Variants in RYR2 observed in about 807,000 individuals in gnomAD.
RYR2 encodes cardiac muscle ryanodine receptor-calcium release channel.
RYR2 carries 227 observed loss-of-function variants against 601.1 expected under a neutral mutation model. That is an observed-to-expected ratio of 0.38 (90% CI 0.34 to 0.42). RYR2 has a LOEUF of 0.42. Ranked by LOEUF, RYR2 falls within the 10% of genes least tolerant of loss-of-function variation. RYR2 has a pLI of 1.00. For synonymous variants in RYR2, 2,223 were observed against 2,175.1 expected, an observed-to-expected ratio of 1.02 and a Z score of -0.61; for missense variants, 4,646 against 6,156.5, an observed-to-expected ratio of 0.75 and a Z score of 8.21.
At chr1:237,230,921 T>G (rs1684919730) in intron 1 of RYR2, among the ~76,000 whole-genome samples, 1 of 28,800 alleles carries the variant, frequency 3.5e-5, no homozygotes, top group Non-Finnish European at 7.5e-5. Flanking sequence ...AGAGAGAGAC[T>G]CGTCTCAAAA....
At chr1:237,092,856 A>G (rs552683359) in intron 1 of RYR2, among the ~76,000 whole-genome samples, 132 of 152,238 alleles carry the variant, frequency 8.7e-4, no homozygotes, top group African/African-American at 3.0e-3. Flanking sequence ...ATTATTTCAA[A>G]ATCTAATTCA....
intron 25 of RYR2, among the ~76,000 whole-genome samples, chr1:237,539,854 T>G (rs576718588): frequency 6.6e-6 from 1 of 152,142 alleles, no homozygotes; most frequent in Non-Finnish European, 1.5e-5. Flanking sequence ...AAAAATAAAA[T>G]GTTTTTTTAA....
At chr1:237,265,049 C>T (rs1688916461) in intron 1 of RYR2, among the ~76,000 whole-genome samples, 1 of 151,850 alleles carries the variant, frequency 6.6e-6, no homozygotes, top group South Asian at 2.1e-4. Flanking sequence ...TGCATGATAA[C>T]AATTGAAGAA....
At chr1:237,628,705 G>T (rs935023418) in intron 41 of RYR2, among the ~76,000 whole-genome samples, 3 of 151,630 alleles carry the variant, frequency 2.0e-5, no homozygotes. Flanking sequence ...TTTTTTTTAA[G>T]TCTCATAGTA....
chr1:237,786,831 T>TA (rs1479053384), intron 91 of RYR2, among the ~76,000 whole-genome samples: 1 of 152,228 alleles, frequency 6.6e-6, no homozygotes, highest in East Asian at 1.9e-4. Context: ...TGTTATTTTC[T>TA]TTGGTCTGTT....
At chr1:237,668,091 A>G in intron 58 of RYR2, 133 bp downstream of exon 58, 2 of 631,252 alleles carry the variant, frequency 3.2e-6, no homozygotes, top group Middle Eastern at 4.2e-4. Context: ...TGCCTGTAAC[A>G]GATTGAAGTT....
At chr1:237,443,031 A>C (rs1397548092) in intron 13 of RYR2, among the ~76,000 whole-genome samples, 1 of 152,154 alleles carries the variant, frequency 6.6e-6, no homozygotes, top group African/African-American at 2.4e-5. Flanking sequence ...GTGCCATTTT[A>C]GTCTGCTGGT....
At chr1:237,697,036 T>A (rs1424623917) in intron 63 of RYR2, among the ~76,000 whole-genome samples, 1 of 151,970 alleles carries the variant, frequency 6.6e-6, no homozygotes, top group Non-Finnish European at 1.5e-5. Context: ...AAGGGCTTGC[T>A]CTAACCAAGC....
intron 1 of RYR2, among the ~76,000 whole-genome samples, chr1:237,115,781 C>T (rs753956913): frequency 6.6e-6 from 1 of 152,232 alleles, no homozygotes; most frequent in South Asian, 2.1e-4. Context: ...GCAACGTTCA[C>T]TTAATGAAGT....
At chr1:237,307,167 A>ACC in intron 2 of RYR2, among the ~76,000 whole-genome samples, 1 of 107,810 alleles carries the variant, frequency 9.3e-6, no homozygotes, top group East Asian at 3.1e-4. Flanking sequence ...TTTTACATGC[A>ACC]CCTGGTGTAT....
At chr1:237,342,664 G>A (rs1409552245) in intron 3 of RYR2, among the ~76,000 whole-genome samples, 2 of 152,120 alleles carry the variant, frequency 1.3e-5, no homozygotes, top group Non-Finnish European at 2.9e-5. Context: ...CTGAGATCAG[G>A]CCACATGTGA....
chr1:237,573,122 T>C (rs958698351), intron 29 of RYR2, among the ~76,000 whole-genome samples: 2 of 152,156 alleles, frequency 1.3e-5, no homozygotes, highest in South Asian at 2.1e-4. Context: ...ACTATCTTCA[T>C]AATCTCTTCT....
intron 11 of RYR2, among the ~76,000 whole-genome samples, chr1:237,417,529 C>G (rs1405725288): frequency 6.6e-6 from 1 of 152,138 alleles, no homozygotes; most frequent in African/African-American, 2.4e-5. Flanking sequence ...ATTTAACCTT[C>G]TAAAAGTACA....
intron 2 of RYR2, among the ~76,000 whole-genome samples, chr1:237,303,597 G>C (rs1407124410): frequency 2.6e-5 from 4 of 152,120 alleles, no homozygotes; most frequent in African/African-American, 9.7e-5. Context: ...ACTGCGCCCA[G>C]CTGGTTATCC....
chr1:237,530,339 G>A (rs1668018272), intron 24 of RYR2, 88 bp from the exon 25 acceptor site: 1 of 970,342 alleles, frequency 1.0e-6, no homozygotes, highest in Non-Finnish European at 1.6e-6. Flanking sequence ...TGCTTTCAAG[G>A]TTGTATCTCA....
At chr1:237,662,319 G>C (rs1277949082) in intron 56 of RYR2, among the ~76,000 whole-genome samples, 1 of 151,748 alleles carries the variant, frequency 6.6e-6, no homozygotes, top group Non-Finnish European at 1.5e-5. Flanking sequence ...CAAATGCTGA[G>C]CACAAACTGC....
intron 16 of RYR2, among the ~76,000 whole-genome samples, chr1:237,464,550 C>T (rs1294475933): frequency 6.6e-6 from 1 of 151,902 alleles, no homozygotes; most frequent in Non-Finnish European, 1.5e-5. Context: ...ACCTTTTTGA[C>T]CTGGGGAAGC....
In RYR2 at chr1:237,778,725, C is replaced by T. The variant is rs78939657; in HGVS notation, c.11835C>T (p.Val3945=). The T allele has an allele frequency of 1.7e-3, 2,774 of 1,611,930 alleles. 29 individuals are homozygous for T. The African/African-American group carries it at 0.024, about 14-fold the overall frequency. The change falls in exon 88 of 105, where the codon GTC becomes GTT. Residue 3945 remains valine (V), a synonymous_variant. Transcript: ENST00000366574. The part of the protein sequence containing the change: ...LAHSRLWDAV[V]GFLHVFAHMQ... ...ACAGCAGGCTGTGGGATGCTGTGGT[C>T]GGCTTTCTTCATGTGTTTGCCCATA...
intron 4 of RYR2, among the ~76,000 whole-genome samples, chr1:237,363,155 T>C (rs1699920864): frequency 6.6e-6 from 1 of 152,082 alleles, no homozygotes; most frequent in South Asian, 2.1e-4. Flanking sequence ...GTTAGGTTTT[T>C]GTGTTTCTTT....
Sources: allele counts gnomAD v4.1 joint callset (sites outside exome capture counted in the v4.1 genomes callset), GRCh38; gene constraint gnomAD v4.1.1; transcripts MANE v1.5; gene names NCBI Gene and HGNC (gene_info 2026-07-23, HGNC 2026-07-21).